PPIL2: variants seen among roughly 807,000 people sequenced by gnomAD.
PPIL2 encodes the protein RING-type E3 ubiquitin-protein ligase PPIL2.
In PPIL2, 50 loss-of-function variants were observed where a neutral mutation model predicts 75.2. The ratio of observed to expected loss-of-function variants is 0.66; its 90% CI spans 0.53 to 0.84. PPIL2 has a LOEUF of 0.84. Among genes scored for constraint, PPIL2 ranks in the 40% least tolerant of loss-of-function variants. PPIL2 has a pLI of 0.00. For missense variants in PPIL2, 590 were observed against 685.0 expected (o/e 0.86, Z 1.55); for synonymous variants, 245 against 258.8 (o/e 0.95, Z 0.51).
chr22:21,689,350 C>T (rs1360386978), intron 15 of PPIL2, among the ~76,000 whole-genome samples: 1 of 151,796 alleles, frequency 6.6e-6, no homozygotes, highest in African/African-American at 2.4e-5. Context: ...CAGAGGTGCC[C>T]TTTCCATCCC....
At chr22:21,680,633 T>C (rs1184474759) in intron 6 of PPIL2, among the ~76,000 whole-genome samples, 1 of 151,478 alleles carries the variant, frequency 6.6e-6, no homozygotes, top group African/African-American at 2.4e-5. Context: ...ATCGAGACCA[T>C]CCTGGCTAAC....
chr22:21,692,132 G>A (rs1238718386), intron 15 of PPIL2, among the ~76,000 whole-genome samples: 1 of 151,784 alleles, frequency 6.6e-6, no homozygotes. Context: ...GGGGTCTGTC[G>A]TGTTCTCCTT....
chr22:21,680,760 G>A lies in PPIL2; in HGVS notation c.296-539G>A, dbSNP rs747360749. Among the ~76,000 whole-genome samples the A allele has an allele frequency of 6.4e-4, 95 of 148,184 alleles. 1 individual carries two copies. Among genetic ancestry groups the A allele is most frequent in the Non-Finnish European group, 1.0e-3 (68 of 67,136 alleles). On this transcript the variant is annotated intron_variant, in intron 6 of 19. Transcript: ENST00000398831. The stretch of plus-strand genomic sequence containing the variant: ...CAGGAGAATGGCGTGAACCTGGGAG[G>A]CGGAGCTTGCAGTGAGCCGAGATTG...
chr22:21,698,135 A>G (rs2068009598), downstream of PPIL2: 1 of 152,150 alleles, frequency 6.6e-6, no homozygotes, highest in Non-Finnish European at 1.5e-5. Flanking sequence ...GGTGGTGGAT[A>G]TGGTCCTGTG....
chr22:21,691,709 T>C (rs1427081848), intron 15 of PPIL2, among the ~76,000 whole-genome samples: 1 of 151,828 alleles, frequency 6.6e-6, no homozygotes, highest in Non-Finnish European at 1.5e-5. Context: ...AAAGATTTTC[T>C]AGGAGGAGCT....
At chr22:21,683,350 C>G in intron 9 of PPIL2, 93 bp downstream of exon 9, 1 of 1,101,544 alleles carries the variant, frequency 9.1e-7, no homozygotes, top group South Asian at 1.3e-5. Context: ...TCCTGGAGGT[C>G]AGGGGGTCCC....
chr22:21,666,364 G>C (rs1399488270), intron 1 of PPIL2, among the ~76,000 whole-genome samples: 2 of 152,192 alleles, frequency 1.3e-5, no homozygotes, highest in Admixed American at 6.5e-5. Flanking sequence ...GCGCAGCCCG[G>C]TTTTCCTTAC....
chr22:21,689,493 T>C (rs388468), intron 15 of PPIL2, among the ~76,000 whole-genome samples: 2,232 of 152,314 alleles, frequency 0.015, 33 homozygotes, highest in Middle Eastern at 0.088. Context: ...ACTTTTTTTT[T>C]CCCAACTTTT....
In PPIL2 at chr22:21,695,406, A is replaced by G. The variant is rs377219782; in HGVS notation, c.1479A>G (p.Ala493=). 13 of 1,608,906 alleles carry G rather than the reference A, an allele frequency of 8.1e-6. No individual in the cohort carries two copies. The highest frequency in any genetic ancestry group is 6.7e-5 in the African/African-American group (5 of 74,954). ...YINPAATKRA[A]EEEPSTSATV... is the part of the protein sequence containing the mutation. ...CTTCTCTTCCCAGGAAGCGAGCAGC[A>G]GAGGAAGAGCCCTCAACCAGTGCCA... The change falls in exon 20 of 20, where the codon GCA becomes GCG. Residue 493 remains alanine (A), a synonymous_variant. Transcript: ENST00000398831.
Position 21,697,136 on chromosome 22 carries a change from G to GTAAC in PPIL2, c.*1648_*1651dup. On this transcript the variant is annotated 3_prime_UTR_variant, in exon 20 of 20. Coordinates refer to ENST00000398831, the MANE Select transcript of PPIL2 (RefSeq NM_014337.4). ...CGCAAGGCCTGGTGCAGCCCTGGCAGTAACTGGCTTGTAAGAGGCTCAGAC... is the reference window on the plus strand; with the variant it reads ...CGCAAGGCCTGGTGCAGCCCTGGCAGTAACTAACTGGCTTGTAAGAGGCTCAGAC... 3.7e-6 allele frequency: 3 copies of GTAAC among 821,034 alleles called. No individual in the cohort carries two copies. The highest frequency in any genetic ancestry group is 2.8e-5 in the Admixed American group (1 of 36,356). The allele number at this position is 821,034 out of a possible 1,614,324, so 50.9% of individuals were successfully genotyped here. A position where few individuals can be genotyped will look rare whatever the true frequency, so the allele number is the denominator to read the frequency against.
intron 10 of PPIL2, among the ~76,000 whole-genome samples, chr22:21,686,022 C>T (rs569249702): frequency 1.0e-3 from 159 of 152,034 alleles, no homozygotes; most frequent in African/African-American, 3.2e-3. Context: ...ATCAGCCAGG[C>T]GTGGTGGCAT....
chr22:21,671,307 C>T (rs778153544), intron 4 of PPIL2, among the ~76,000 whole-genome samples: 15 of 152,164 alleles, frequency 9.9e-5, no homozygotes, highest in Non-Finnish European at 1.0e-4. Context: ...AGCCACTGCA[C>T]CTGGCCTGAA....
At chr22:21,689,048 G>A (rs528157790) in intron 15 of PPIL2, among the ~76,000 whole-genome samples, 199 bp downstream of exon 15, 1 of 152,364 alleles carries the variant, frequency 6.6e-6, no homozygotes, top group East Asian at 1.9e-4. Flanking sequence ...TGCCCGCACC[G>A]GGTGTGTCCT....
chr22:21,688,341 G>A (rs57627852), intron 14 of PPIL2, among the ~76,000 whole-genome samples: 2,358 of 152,316 alleles, frequency 0.015, 25 homozygotes, highest in South Asian at 0.037. Context: ...TCTTCCCTGG[G>A]CCCCTGGGGT....
intron 14 of PPIL2, 51 bp from the exon 15 acceptor site, chr22:21,688,681 G>A: frequency 4.5e-6 from 7 of 1,569,948 alleles, no homozygotes; most frequent in Non-Finnish European, 5.3e-6. Context: ...TTCTAGTTCT[G>A]CCTCGGCTGG....
Position 21,684,910 on chromosome 22 carries a change from C to G in PPIL2, c.711C>G (p.Asn237Lys). The G allele has an allele frequency of 1.2e-6, 2 of 1,613,726 alleles. No homozygotes were observed. Among genetic ancestry groups the G allele is most frequent in the Non-Finnish European group, 1.7e-6 (2 of 1,179,714 alleles). ...APEKKKVDKL[N>K]AAHYSTGKVS... ...AGAAGAAGAAAGTGGACAAGCTGAACGCTGTGAGTGGCGGAGGGCACTCGG... is the reference window on the plus strand; with the variant it reads ...AGAAGAAGAAAGTGGACAAGCTGAAGGCTGTGAGTGGCGGAGGGCACTCGG... Residue 237 changes from asparagine (N) to lysine (K), a missense_variant, in exon 10 of 20, where the codon AAC (asparagine) becomes AAG (lysine). Asn to Lys is a moderately conservative substitution (Grantham distance 94). Coordinates refer to ENST00000398831, the MANE Select transcript of PPIL2 (RefSeq NM_014337.4).
At chr22:21,685,192 T>TC (rs2067307144) in intron 10 of PPIL2, among the ~76,000 whole-genome samples, 1 of 152,044 alleles carries the variant, frequency 6.6e-6, no homozygotes, top group African/African-American at 2.4e-5. Context: ...GTAGGGGAGA[T>TC]CCCTGCCACA....
At chr22:21,678,312 A>C (rs2066963171) in intron 6 of PPIL2, among the ~76,000 whole-genome samples, 1 of 151,888 alleles carries the variant, frequency 6.6e-6, no homozygotes, top group Admixed American at 6.6e-5. Flanking sequence ...GCTCACTGCA[A>C]CCTCTGCCTC....
chr22:21,680,137 G>A (rs2067050605), intron 6 of PPIL2, among the ~76,000 whole-genome samples: 1 of 151,772 alleles, frequency 6.6e-6, no homozygotes, highest in Non-Finnish European at 1.5e-5. Flanking sequence ...TGTGGTTGAT[G>A]TTTCTGAGTC....
Sources: allele counts gnomAD v4.1 joint callset (sites outside exome capture counted in the v4.1 genomes callset), GRCh38; gene constraint gnomAD v4.1.1; transcripts MANE v1.5; gene names NCBI Gene and HGNC (gene_info 2026-07-23, HGNC 2026-07-21).